PCDH15: variants seen among roughly 807,000 people sequenced by gnomAD.
PCDH15 encodes the protein protocadherin related 15, also known as protocadherin-15.
Under a neutral mutation model 178.5 loss-of-function variants are expected in PCDH15, and 129 were observed. The observed-to-expected ratio is 0.72, with a 90% CI of 0.63 to 0.84. PCDH15 has a LOEUF of 0.84. Ranked by LOEUF, PCDH15 falls within the 40% of genes least tolerant of loss-of-function variation. The pLI, the probability that PCDH15 is intolerant of heterozygous loss-of-function variation, is 0.00. For missense variants in PCDH15, 2,230 were observed against 2,099.9 expected, an observed-to-expected ratio of 1.06 and a Z score of -1.21; for synonymous variants, 800 against 732.0, an observed-to-expected ratio of 1.09 and a Z score of -1.50.
chr10:55,413,947 A>AT (rs1251548179), intron 2 of PCDH15, among the ~76,000 whole-genome samples: 2 of 151,598 alleles, frequency 1.3e-5, no homozygotes, highest in African/African-American at 4.8e-5. Context: ...TTGTGTGTGC[A>AT]TTTGTTCAAG....
At chr10:53,879,162 A>G (rs2080505414) in intron 26 of PCDH15, among the ~76,000 whole-genome samples, 1 of 151,842 alleles carries the variant, frequency 6.6e-6, no homozygotes, top group Non-Finnish European at 1.5e-5. Flanking sequence ...GCATCGTGTC[A>G]CTGGCTATAA....
At chr10:54,880,310 A>T (rs1042485181) in intron 3 of PCDH15, among the ~76,000 whole-genome samples, 6 of 152,064 alleles carry the variant, frequency 3.9e-5, no homozygotes, top group Non-Finnish European at 8.8e-5. Context: ...TGATTCACAA[A>T]TCTGTCTGCA....
chr10:55,566,699 ATATAAAC>A (rs902841200), intron 2 of PCDH15, among the ~76,000 whole-genome samples: 5 of 151,832 alleles, frequency 3.3e-5, no homozygotes, highest in African/African-American at 1.2e-4. Context: ...AGCATCAAAA[ATATAAAC>A]TATTTTTATT....
rs73254090 is a variant in PCDH15 at position 54,832,671 on chromosome 10, C to T, written c.-29+64779G>A. 3.7e-3 allele frequency among the ~76,000 whole-genome samples: 561 copies of T among 152,300 alleles called. 1 individual carries two copies. The highest frequency in any genetic ancestry group is 0.013 in the African/African-American group (539 of 41,576). ...ATGACTTTGGTCACCAGGGCAACCA[C>T]ACAATACAATATGGATGGTTCAGTT... is the stretch of plus-strand genomic sequence containing the variant. On this transcript the variant is annotated intron_variant, in intron 3 of 5. Transcript: ENST00000458638.
chr10:53,842,173 G>A (rs1380280657), intron 28 of PCDH15, among the ~76,000 whole-genome samples: 3 of 152,182 alleles, frequency 2.0e-5, no homozygotes, highest in African/African-American at 7.2e-5. Flanking sequence ...GAGTACAGAT[G>A]TCTGGCTGGC....
chr10:55,029,172 TAAATA>T (rs1319679241), intron 2 of PCDH15, among the ~76,000 whole-genome samples: 2 of 152,038 alleles, frequency 1.3e-5, no homozygotes, highest in African/African-American at 4.8e-5. Flanking sequence ...CATTGTTCTT[TAAATA>T]AAATTCCCGG....
intron 26 of PCDH15, among the ~76,000 whole-genome samples, chr10:53,889,872 TC>T (rs1283622584): frequency 6.6e-6 from 1 of 152,202 alleles, no homozygotes; most frequent in African/African-American, 2.4e-5. Flanking sequence ...AGAAAATGAA[TC>T]TAAACAAAAA....
intron 1 of PCDH15, among the ~76,000 whole-genome samples, chr10:54,709,070 G>A: frequency 6.6e-6 from 1 of 151,982 alleles, no homozygotes; most frequent in Admixed American, 6.6e-5. Flanking sequence ...GTGGATATTT[G>A]CTTTAAATTC....
At chr10:54,205,481 TTGTG>T (rs71461223) in intron 10 of PCDH15, among the ~76,000 whole-genome samples, 1,377 of 135,164 alleles carry the variant, frequency 0.01, 18 homozygotes, top group African/African-American at 0.03. Context: ...TATATTTCCT[TTGTG>T]TGTGTGTGTG....
intron 2 of PCDH15, among the ~76,000 whole-genome samples, chr10:55,456,444 CTG>C (rs1565157913): frequency 6.6e-6 from 1 of 151,934 alleles, no homozygotes; most frequent in Non-Finnish European, 1.5e-5. Context: ...TTCATGCATT[CTG>C]TGTTAAACGT....
intron 3 of PCDH15, among the ~76,000 whole-genome samples, chr10:54,858,909 G>A (rs1339547939): frequency 6.6e-6 from 1 of 151,930 alleles, no homozygotes; most frequent in Non-Finnish European, 1.5e-5. Context: ...AATAAGAAAA[G>A]AAAATGATAG....
rs192121243 is a variant in PCDH15 at position 54,174,317 on chromosome 10, G to A, written c.1590+9127C>T. Among the ~76,000 whole-genome samples, 32 of 152,114 alleles carry A rather than the reference G, an allele frequency of 2.1e-4. 1 individual carries two copies. The East Asian group carries it at 6.2e-3, about 29-fold the overall frequency. ...GGAGGCCGAGGCAGGCAGATCACGA[G>A]GTCAGGAGAACCAGACCATCCTGGC... On this transcript the variant is annotated intron_variant, in intron 13 of 37. Transcript: ENST00000644397.
At chr10:55,076,102 C>G (rs1051221225) in intron 2 of PCDH15, among the ~76,000 whole-genome samples, 1 of 152,084 alleles carries the variant, frequency 6.6e-6, no homozygotes. Context: ...TGAGAAGACA[C>G]TTGACATGAT....
intron 1 of PCDH15, among the ~76,000 whole-genome samples, chr10:55,272,694 T>C (rs1277667231): frequency 6.6e-6 from 1 of 152,056 alleles, no homozygotes; most frequent in Non-Finnish European, 1.5e-5. Flanking sequence ...GCCTATCATG[T>C]CTTATTTTAA....
intron 1 of PCDH15, among the ~76,000 whole-genome samples, chr10:54,713,308 A>AAAATT (rs1329625070): frequency 1.3e-5 from 2 of 152,116 alleles, no homozygotes; most frequent in Non-Finnish European, 2.9e-5. Flanking sequence ...ATTCTTCAAC[A>AAAATT]AAATTAAATT....
At chr10:54,132,647 T>A (rs546572996) in intron 15 of PCDH15, among the ~76,000 whole-genome samples, 1 of 152,330 alleles carries the variant, frequency 6.6e-6, no homozygotes, top group South Asian at 2.1e-4. Context: ...AATCCCTGCC[T>A]GCCAAACGTT....
At chr10:55,160,470 A>C (rs1839034930) in intron 2 of PCDH15, among the ~76,000 whole-genome samples, 1 of 152,100 alleles carries the variant, frequency 6.6e-6, no homozygotes, top group South Asian at 2.1e-4. Context: ...AAAACTCTCG[A>C]AACTACTTAA....
intron 21 of PCDH15, among the ~76,000 whole-genome samples, chr10:53,963,812 G>A (rs1308742473): frequency 1.3e-5 from 2 of 151,922 alleles, no homozygotes; most frequent in Non-Finnish European, 2.9e-5. Context: ...AGGCCCTAAT[G>A]TCTTCTCATA....
At chr10:55,591,848 AAG>A (rs1455484078) in intron 2 of PCDH15, among the ~76,000 whole-genome samples, 8 of 152,180 alleles carry the variant, frequency 5.3e-5, no homozygotes, top group East Asian at 1.9e-4. Flanking sequence ...GATTTATTTG[AAG>A]AGTCGTAAAT....
Sources: gnomAD v4.1 joint callset for allele counts (sites outside exome capture counted in the v4.1 genomes callset) on GRCh38, gnomAD v4.1.1 for gene constraint, MANE v1.5 for transcripts, NCBI Gene and HGNC (gene_info 2026-07-23, HGNC 2026-07-21) for gene names.